The following ATRNL1 variants were observed in gnomAD, a reference collection of about 807,000 sequenced individuals.
ATRNL1 encodes attractin like 1.
Under a neutral mutation model 182.7 loss-of-function variants are expected in ATRNL1, and 95 were observed. The ratio of observed to expected loss-of-function variants is 0.52; its 90% CI spans 0.44 to 0.62. ATRNL1 has a LOEUF of 0.62. ATRNL1 is among the 20% of genes least tolerant of loss of function. ATRNL1 has a pLI of 0.00. For missense variants in ATRNL1, 1,471 were observed against 1,679.5 expected (o/e 0.88, Z 2.17); for synonymous variants, 576 against 568.3 (o/e 1.01, Z -0.19).
At chr10:115,452,073 CAAAG>C (rs1193305621) in intron 21 of ATRNL1, among the ~76,000 whole-genome samples, 6 of 152,140 alleles carry the variant, frequency 3.9e-5, no homozygotes, top group South Asian at 2.1e-4. Flanking sequence ...CTAAAGAACA[CAAAG>C]AAGGATACAA....
rs550794706 is a variant in ATRNL1 at position 115,583,251 on chromosome 10, A to C, written c.3795+33715A>C. ...CGGGCTCTTTTTTGGTTCCATATGA[A>C]CTTTAAGGTAGTTTTTTCCAATTCT... On this transcript the variant is annotated intron_variant, in intron 26 of 28. Transcript: ENST00000355044. Among the ~76,000 whole-genome samples, 74 of 135,430 alleles carry C rather than the reference A, an allele frequency of 5.5e-4. 1 individual carries two copies. The highest frequency in any genetic ancestry group is 1.9e-3 in the African/African-American group (73 of 39,062). 88.8% of individuals were successfully genotyped at this position (135,430 alleles called of 152,430 possible).
chr10:115,314,974 G>A (rs1244148326), intron 17 of ATRNL1, among the ~76,000 whole-genome samples: 1 of 152,152 alleles, frequency 6.6e-6, no homozygotes, highest in Non-Finnish European at 1.5e-5. Flanking sequence ...ATGAGATTAA[G>A]TTTATTCATC....
intron 20 of ATRNL1, among the ~76,000 whole-genome samples, chr10:115,401,606 T>C (rs1348061513): frequency 6.6e-6 from 1 of 152,134 alleles, no homozygotes; most frequent in Non-Finnish European, 1.5e-5. Flanking sequence ...TGTGATAAAA[T>C]CTAACAGAAA....
chr10:115,328,165 T>C (rs901317025), intron 18 of ATRNL1, among the ~76,000 whole-genome samples: 3 of 152,012 alleles, frequency 2.0e-5, no homozygotes, highest in African/African-American at 7.3e-5. Flanking sequence ...AAGTTTTTAA[T>C]AACATTATTG....
At chr10:115,474,511 C>T (rs1350660236) in intron 24 of ATRNL1, among the ~76,000 whole-genome samples, 1 of 151,118 alleles carries the variant, frequency 6.6e-6, no homozygotes, top group Non-Finnish European at 1.5e-5. Context: ...AGTTTTGAGC[C>T]ATTATTTTCA....
chr10:115,842,181 A>G (rs1950825447), intron 27 of ATRNL1, among the ~76,000 whole-genome samples: 9 of 152,206 alleles, frequency 5.9e-5, no homozygotes, highest in Admixed American at 4.6e-4. Flanking sequence ...GTTCTTGTCA[A>G]AATACTTATT....
intron 19 of ATRNL1, among the ~76,000 whole-genome samples, 161 bp from the exon 20 acceptor site, chr10:115,394,498 C>T (rs1844189948): frequency 6.6e-6 from 1 of 151,940 alleles, no homozygotes; most frequent in African/African-American, 2.4e-5. Context: ...GAATTTACTT[C>T]CCTTTAATTA....
At chr10:115,339,350 A>G (rs1554937624) in intron 19 of ATRNL1, among the ~76,000 whole-genome samples, 1 of 151,782 alleles carries the variant, frequency 6.6e-6, no homozygotes, top group African/African-American at 2.4e-5. Flanking sequence ...CCATGAATTG[A>G]TTCTTCCAAT....
intron 8 of ATRNL1, among the ~76,000 whole-genome samples, chr10:115,204,051 A>T (rs1321293422): frequency 6.6e-6 from 1 of 152,018 alleles, no homozygotes; most frequent in Non-Finnish European, 1.5e-5. Flanking sequence ...ATTTTATTTT[A>T]GTTTTTAATG....
chr10:115,474,370 C>T (rs913988442), intron 24 of ATRNL1, among the ~76,000 whole-genome samples: 3 of 151,366 alleles, frequency 2.0e-5, no homozygotes, highest in East Asian at 3.9e-4. Context: ...TTATCTTCTT[C>T]TGCAATTTTC....
intron 26 of ATRNL1, among the ~76,000 whole-genome samples, chr10:115,612,738 G>T (rs1432584912): frequency 6.6e-6 from 1 of 152,160 alleles, no homozygotes; most frequent in African/African-American, 2.4e-5. Context: ...GAGACTTTCA[G>T]ATGTTCTTTG....
chr10:115,832,926 G>A (rs1268493437), intron 27 of ATRNL1, among the ~76,000 whole-genome samples: 2 of 152,086 alleles, frequency 1.3e-5, no homozygotes, highest in Non-Finnish European at 2.9e-5. Context: ...ATGCAATGAA[G>A]TATCAAGGTA....
chr10:115,333,284 C>G (rs4752730), intron 18 of ATRNL1, among the ~76,000 whole-genome samples: 1 of 152,148 alleles, frequency 6.6e-6, no homozygotes, highest in Non-Finnish European at 1.5e-5. Context: ...GCCTTTCATA[C>G]ATGAACTTTA....
chr10:115,372,960 A>C (rs1857474148), intron 19 of ATRNL1, among the ~76,000 whole-genome samples: 1 of 152,138 alleles, frequency 6.6e-6, no homozygotes, highest in Admixed American at 6.5e-5. Flanking sequence ...ACTTTGCGTA[A>C]TATGGACATC....
intron 27 of ATRNL1, chr10:115,820,031 A>G (rs540654047): frequency 1.3e-5 from 2 of 152,124 alleles, no homozygotes; most frequent in Non-Finnish European, 2.9e-5. Flanking sequence ...TACAGCCCCA[A>G]ATCCACATGT....
chr10:115,596,409 C>G (rs1404420431), intron 26 of ATRNL1, among the ~76,000 whole-genome samples: 1 of 152,094 alleles, frequency 6.6e-6, no homozygotes, highest in Non-Finnish European at 1.5e-5. Context: ...CCCGGCCCGT[C>G]ATTATTCTCA....
chr10:115,399,401 A>C (rs11817968), intron 20 of ATRNL1, among the ~76,000 whole-genome samples: 145 of 152,028 alleles, frequency 9.5e-4, no homozygotes, highest in African/African-American at 3.4e-3. Context: ...CAGTCTTGGG[A>C]GGGTTTATGC....
intron 27 of ATRNL1, among the ~76,000 whole-genome samples, chr10:115,737,279 C>CAA (rs1555066190): frequency 8.4e-6 from 1 of 119,516 alleles, no homozygotes; most frequent in African/African-American, 2.9e-5. Context: ...TCCCCCCCCC[C>CAA]CAAAAAAAAA....
chr10:115,497,905 C>G (rs2133617972), intron 24 of ATRNL1, among the ~76,000 whole-genome samples: 1 of 151,936 alleles, frequency 6.6e-6, no homozygotes, highest in Admixed American at 6.6e-5. Flanking sequence ...ATCCACCCGC[C>G]TAGGCCTCCC....
Sources: allele counts gnomAD v4.1 joint callset (sites outside exome capture counted in the v4.1 genomes callset), GRCh38; gene constraint gnomAD v4.1.1; transcripts MANE v1.5; gene names NCBI Gene and HGNC (gene_info 2026-07-23, HGNC 2026-07-21).